SULT2B1: variants seen among roughly 807,000 people sequenced by gnomAD.
SULT2B1 encodes the protein sulfotransferase 2B1.
In SULT2B1, 16 loss-of-function variants were observed where a neutral mutation model predicts 33.2. The observed-to-expected ratio is 0.48, with a 90% CI of 0.33 to 0.73. SULT2B1 has a LOEUF of 0.73. Among genes scored for constraint, SULT2B1 ranks in the 30% least tolerant of loss-of-function variants. The probability of loss-of-function intolerance (pLI) is 0.02; values close to 1 mark genes in which losing one functional copy is unlikely to be tolerated. For missense variants in SULT2B1, 500 were observed against 506.0 expected (o/e 0.99, Z 0.11); for synonymous variants, 186 against 200.5 (o/e 0.93, Z 0.61).
At chr19:48,561,302 C>T (rs1601087566) in intron 1 of SULT2B1, among the ~76,000 whole-genome samples, 2 of 151,662 alleles carry the variant, frequency 1.3e-5, no homozygotes, top group Non-Finnish European at 1.5e-5. Flanking sequence ...GTGGCACATG[C>T]CTGTAATCCC....
At chr19:48,589,629 C>G (rs1443279045) in intron 3 of SULT2B1, among the ~76,000 whole-genome samples, 1 of 152,098 alleles carries the variant, frequency 6.6e-6, no homozygotes, top group African/African-American at 2.4e-5. Flanking sequence ...CTGCTGGACT[C>G]CCGGGTTATA....
chr19:48,573,395 G>A (rs1006641156), intron 1 of SULT2B1, among the ~76,000 whole-genome samples: 1 of 152,058 alleles, frequency 6.6e-6, no homozygotes, highest in African/African-American at 2.4e-5. Flanking sequence ...GAACAAACAG[G>A]CCTGTTTGTC....
At chr19:48,596,949 T>G (rs1481457375) in intron 6 of SULT2B1, 30 bp downstream of exon 6, 1 of 1,545,330 alleles carries the variant, frequency 6.5e-7, no homozygotes, top group Non-Finnish European at 8.7e-7. Flanking sequence ...CAGAGCCCAC[T>G]AGGCCACTGC....
In SULT2B1 at chr19:48,552,204, G is replaced by A. The variant is rs1290504252; in HGVS notation, c.-49G>A. On this transcript the variant is annotated 5_prime_UTR_variant, in exon 1 of 7. Coordinates refer to ENST00000201586, the MANE Select transcript of SULT2B1 (RefSeq NM_177973.2). The surrounding 1 kb of genome is among the most constrained non-coding windows in gnomAD (Gnocchi z 4.8). ...GTCGCTGCGCACACCTGGCCTCTGTGCCGCCTGCTCCCTGCTCGTCCTCCC... is the reference window on the plus strand; with the variant it reads ...GTCGCTGCGCACACCTGGCCTCTGTACCGCCTGCTCCCTGCTCGTCCTCCC... 5 of 1,589,752 alleles carry A rather than the reference G, an allele frequency of 3.1e-6. No homozygotes were observed. In the East Asian group the frequency reaches 6.7e-5, roughly 21 times the overall value.
intron 1 of SULT2B1, among the ~76,000 whole-genome samples, chr19:48,569,948 G>A (rs114600583): frequency 0.1 from 15,562 of 152,070 alleles, 928 homozygotes; most frequent in Non-Finnish European, 0.14. Flanking sequence ...TTAGAGGCAT[G>A]AGCCACCTCG....
chr19:48,580,560 G>A (rs925414369), intron 2 of SULT2B1, among the ~76,000 whole-genome samples: 2 of 149,900 alleles, frequency 1.3e-5, no homozygotes, highest in African/African-American at 2.5e-5. Flanking sequence ...GTGCCAGCCC[G>A]AAGTGGCTTT....
intron 1 of SULT2B1, among the ~76,000 whole-genome samples, chr19:48,558,095 C>T (rs1973124611): frequency 6.6e-6 from 1 of 152,116 alleles, no homozygotes; most frequent in African/African-American, 2.4e-5. Context: ...TCTGTATTAC[C>T]TCATCTAATC....
intron 1 of SULT2B1, among the ~76,000 whole-genome samples, chr19:48,565,918 T>TC (rs1264896810): frequency 4.6e-5 from 1 of 21,702 alleles, no homozygotes; most frequent in Non-Finnish European, 1.0e-4. Context: ...CACCAGGCTA[T>TC]TTTTTTTTTT....
Position 48,591,594 on chromosome 19 carries a change from A to C in SULT2B1, c.424-15A>C, listed in dbSNP as rs751996252. ...GTCTGACGCCTTCTCCCCTCTCCTC[A>C]CCATCCGCACACAGGTGATCTACAT... On this transcript the variant is annotated splice_polypyrimidine_tract_variant and intron_variant, in intron 3 of 6. Transcript: ENST00000201586. The C allele has an allele frequency of 6.2e-7, 1 of 1,606,596 alleles. No homozygotes were observed. The highest frequency in any genetic ancestry group is 8.5e-7 in the Non-Finnish European group (1 of 1,175,800).
intron 1 of SULT2B1, among the ~76,000 whole-genome samples, chr19:48,570,184 T>C (rs1973301412): frequency 6.7e-6 from 1 of 150,210 alleles, no homozygotes; most frequent in South Asian, 2.1e-4. Flanking sequence ...TTGTTCTTTT[T>C]TTTTTTTTTT....
intron 2 of SULT2B1, among the ~76,000 whole-genome samples, chr19:48,580,449 G>A (rs1383182810): frequency 8.6e-5 from 13 of 151,694 alleles, no homozygotes; most frequent in African/African-American, 1.5e-4. Flanking sequence ...TAGTAGAGAC[G>A]GGGTTTCACC....
At chr19:48,559,732 G>A (rs1013814214) in intron 1 of SULT2B1, among the ~76,000 whole-genome samples, 3 of 151,290 alleles carry the variant, frequency 2.0e-5, no homozygotes, top group African/African-American at 7.4e-5. Flanking sequence ...CGGAGGCCTG[G>A]AGTGGAGGCC....
chr19:48,587,568 C>T, intron 3 of SULT2B1, 131 bp downstream of exon 3: 1 of 1,023,076 alleles, frequency 9.8e-7, no homozygotes, highest in Non-Finnish European at 1.5e-6. Flanking sequence ...TGACTCTGAT[C>T]TAGCACAGTG....
intron 3 of SULT2B1, 99 bp from the exon 4 acceptor site, chr19:48,591,510 A>G: frequency 2.2e-6 from 3 of 1,372,194 alleles, no homozygotes; most frequent in Non-Finnish European, 1.9e-6. Context: ...TTCCTGCTTC[A>G]GGGTCAGAAG....
At chr19:48,567,327 G>A (rs1973258601) in intron 1 of SULT2B1, among the ~76,000 whole-genome samples, 1 of 152,042 alleles carries the variant, frequency 6.6e-6, no homozygotes, top group Admixed American at 6.6e-5. Flanking sequence ...ACTTTGGGAG[G>A]CTGAGGCGGG....
chr19:48,554,243 C>T (rs1030015364), intron 1 of SULT2B1, among the ~76,000 whole-genome samples: 1 of 151,766 alleles, frequency 6.6e-6, no homozygotes, highest in Non-Finnish European at 1.5e-5. Flanking sequence ...GGAGCATCCC[C>T]CTGGGGCCCA....
chr19:48,555,387 C>T (rs1162665003), intron 1 of SULT2B1, among the ~76,000 whole-genome samples: 1 of 152,132 alleles, frequency 6.6e-6, no homozygotes, highest in Non-Finnish European at 1.5e-5. Context: ...CCACCGTGCC[C>T]GGCCTATCTA....
intron 1 of SULT2B1, chr19:48,575,436 G>T (rs2941502): frequency 0.84 from 125,044 of 148,726 alleles, 52,730 homozygotes; most frequent in African/African-American, 0.89. Context: ...CCGCGCCTGG[G>T]ATCTTTATTA....
chr19:48,576,354 C>CTTTTTTTTTTTTTT lies in SULT2B1; in HGVS notation c.214+273_214+274insTTTTTTTTTTTTTT, dbSNP rs879507532. On this transcript the variant is annotated intron_variant, in intron 2 of 6. Transcript: ENST00000201586. ...TCCTCCCTTTCCCCTTTACCCTCTACTTCTCTTTTTTTTTTTTTTTTTTGT... is the reference window on the plus strand; with the variant it reads ...TCCTCCCTTTCCCCTTTACCCTCTACTTTTTTTTTTTTTTTTCTCTTTTTTTTTTTTTTTTTTGT... 5.9e-3 allele frequency among the ~76,000 whole-genome samples: 469 copies of CTTTTTTTTTTTTTT among 79,808 alleles called. 86 individuals carry two copies. Among genetic ancestry groups the CTTTTTTTTTTTTTT allele is most frequent in the East Asian group, 0.012 (28 of 2,392 alleles). The allele number at this position is 79,808 out of a possible 152,430, so 52.4% of individuals were successfully genotyped here.
Sources: allele counts gnomAD v4.1 joint callset (sites outside exome capture counted in the v4.1 genomes callset), GRCh38; gene constraint gnomAD v4.1.1; non-coding constraint Gnocchi (gnomAD v3.1); transcripts MANE v1.5; gene names NCBI Gene and HGNC (gene_info 2026-07-23, HGNC 2026-07-21).